Variants in MTPAP observed in about 807,000 individuals in gnomAD.
The protein encoded by MTPAP is mitochondrial poly(A) polymerase.
A neutral mutation model predicts 48.7 loss-of-function variants in MTPAP; 23 were observed. The ratio of observed to expected loss-of-function variants is 0.47; its 90% confidence interval spans 0.34 to 0.67. MTPAP has a LOEUF of 0.67. Among genes scored for constraint, MTPAP ranks in the 30% least tolerant of loss-of-function variants. The pLI is 0.01. For missense variants in MTPAP, 614 were observed against 694.3 expected, an observed-to-expected ratio of 0.88 and a Z score of 1.30; for synonymous variants, 257 against 254.1, an observed-to-expected ratio of 1.01 and a Z score of -0.11.
intron 4 of MTPAP, among the ~76,000 whole-genome samples, chr10:30,334,543 C>T (rs144295237): frequency 0.027 from 4,046 of 152,120 alleles, 80 homozygotes; most frequent in Non-Finnish European, 0.04. Flanking sequence ...TGCCTGAAGT[C>T]CCAGCTACAC....
intron 6 of MTPAP, among the ~76,000 whole-genome samples, chr10:30,320,406 T>C (rs1419515887): frequency 1.3e-5 from 2 of 152,084 alleles, no homozygotes; most frequent in African/African-American, 4.8e-5. Context: ...ATGCCTATAG[T>C]CCCAGCTATT....
rs906940269 is a variant in MTPAP, at chr10:30,313,760, G to T, written c.1598C>A (p.Pro533Gln). The change falls in exon 9 of 9, where the codon CCA becomes CAA. Residue 533 changes from proline (P) to glutamine (Q), a missense_variant. Pro to Gln is a moderately conservative substitution (Grantham distance 76). Transcript: ENST00000263063. ...AAAGGACTTTCTGTTTGGAGCAGAT[G>T]GTAGCAATAGGGATACCAGCCCCCA... ...RPWGLVSLLL[P>Q]SAPNRKSFTK... is the part of the protein sequence containing the mutation. The T allele has an allele frequency of 2.5e-6, 4 of 1,614,018 alleles. No homozygotes were observed. Among genetic ancestry groups the T allele is most frequent in the African/African-American group, 1.3e-5 (1 of 74,900 alleles).
intron 1 of MTPAP, 68 bp downstream of exon 1, chr10:30,349,051 G>T (rs1834903237): frequency 1.2e-6 from 2 of 1,609,816 alleles, no homozygotes; most frequent in African/African-American, 2.7e-5. Flanking sequence ...CAGGCCACGT[G>T]TTTCCCCGTG....
chr10:30,315,519 A>AC (rs1436118248), intron 8 of MTPAP, among the ~76,000 whole-genome samples: 2 of 151,190 alleles, frequency 1.3e-5, no homozygotes, highest in Non-Finnish European at 3.0e-5. Context: ...AAAAAACAAA[A>AC]CAAAACAAAA....
At chr10:30,320,255 C>T (rs906844791) in intron 6 of MTPAP, among the ~76,000 whole-genome samples, 24 of 152,268 alleles carry the variant, frequency 1.6e-4, no homozygotes, top group African/African-American at 5.8e-4. Flanking sequence ...AGGTAGAGCA[C>T]AGTGGCTCAC....
At chr10:30,324,277 A>G (rs972444582) in intron 5 of MTPAP, among the ~76,000 whole-genome samples, 2 of 152,188 alleles carry the variant, frequency 1.3e-5, no homozygotes, top group African/African-American at 4.8e-5. Flanking sequence ...CAGCATTTCA[A>G]AGCAGGAGGA....
intron 1 of MTPAP, among the ~76,000 whole-genome samples, chr10:30,348,326 C>T (rs1815094378): frequency 6.6e-6 from 1 of 152,184 alleles, no homozygotes; most frequent in Non-Finnish European, 1.5e-5. Context: ...GAAGTCAATA[C>T]ATTTTGTTTA....
chr10:30,318,745 A>T (rs183536662), intron 6 of MTPAP, among the ~76,000 whole-genome samples: 8 of 152,370 alleles, frequency 5.3e-5, no homozygotes, highest in Non-Finnish European at 7.3e-5. Context: ...TTAAAATGTT[A>T]TCCAATCATT....
chr10:30,326,028 A>T (rs1834591682), intron 5 of MTPAP, among the ~76,000 whole-genome samples: 1 of 152,102 alleles, frequency 6.6e-6, no homozygotes, highest in South Asian at 2.1e-4. Flanking sequence ...TTATTTTCTA[A>T]GTATTCTTAG....
rs765272329 is a variant in MTPAP, at chr10:30,313,595, C to T, written c.*14G>A. The T allele has an allele frequency of 6.2e-6, 10 of 1,614,024 alleles. No individual in the cohort carries two copies. Among genetic ancestry groups the T allele is most frequent in the Non-Finnish European group, 8.5e-6 (10 of 1,180,014 alleles). ...GATAGGCTAAGCCCAGTTCTTTACA[C>T]AATGTAGCAGCCATCATGTCTGAGT... On this transcript the variant is annotated 3_prime_UTR_variant, in exon 9 of 9. Transcript: ENST00000263063.
At chr10:30,325,283 C>T (rs576517963) in intron 5 of MTPAP, among the ~76,000 whole-genome samples, 1 of 152,192 alleles carries the variant, frequency 6.6e-6, no homozygotes, top group South Asian at 2.1e-4. Flanking sequence ...GAGAGAAAGT[C>T]GCAAGTACTT....
chr10:30,327,445 G>A (rs1834611007), intron 4 of MTPAP, among the ~76,000 whole-genome samples: 1 of 151,742 alleles, frequency 6.6e-6, no homozygotes. Context: ...GTTGCAGTGA[G>A]CCAAGATCAC....
chr10:30,322,726 G>T (rs1052593012), intron 5 of MTPAP, 109 bp from the exon 6 acceptor site: 14 of 775,270 alleles, frequency 1.8e-5, no homozygotes, highest in Non-Finnish European at 2.8e-5. Flanking sequence ...ATATCTGAAT[G>T]TATTCAGAAC....
rs750959123 is a variant in MTPAP at position 30,340,183 on chromosome 10, A to C, written c.555+43T>G. 5 of 1,463,642 alleles carry C rather than the reference A, an allele frequency of 3.4e-6. No homozygotes were observed. The South Asian group carries it at 4.6e-5, about 13-fold the overall frequency. The allele number at this position is 1,463,642 out of a possible 1,614,324, so 90.7% of individuals were successfully genotyped here. ...TACAGGAATCTTTATTGTTCATAAA[A>C]AAATACATAGTTCTAAAAGTTGAGG... On this transcript the variant is annotated intron_variant, in intron 3 of 8. Coordinates refer to ENST00000263063, the MANE Select transcript of MTPAP (RefSeq NM_018109.4).
Position 30,311,255 on chromosome 10 carries a change from A to G in MTPAP, c.*2354T>C, listed in dbSNP as rs544202683. 6.6e-6 allele frequency: 1 copy of G among 152,346 alleles called. No homozygotes were observed. Among genetic ancestry groups the G allele is most frequent in the East Asian group, 1.9e-4 (1 of 5,186 alleles). 9.4% of individuals were successfully genotyped at this position (152,346 alleles called of 1,614,324 possible). A position where few individuals can be genotyped will look rare whatever the true frequency, so the allele number is the denominator to read the frequency against. ...AAGACATCGCCTGTACAGAACACTG[A>G]TATTTGTTGGTGTCAAATGTGCAAT... On this transcript the variant is annotated 3_prime_UTR_variant, in exon 9 of 9. Transcript: ENST00000263063.
At chr10:30,327,207 G>A (rs766029329) in intron 4 of MTPAP, among the ~76,000 whole-genome samples, 7 of 151,946 alleles carry the variant, frequency 4.6e-5, no homozygotes, top group Non-Finnish European at 8.8e-5. Flanking sequence ...ACTAAAACTC[G>A]CCGGGTGCAG....
intron 3 of MTPAP, 150 bp from the exon 4 acceptor site, chr10:30,337,177 C>G: frequency 1.3e-6 from 1 of 757,902 alleles, no homozygotes; most frequent in Non-Finnish European, 2.2e-6. Flanking sequence ...GTAATCCCAA[C>G]ATTTTGGGAG....
chr10:30,339,955 A>G (rs1396046795), intron 3 of MTPAP: 2 of 477,408 alleles, frequency 4.2e-6, no homozygotes, highest in African/African-American at 3.9e-5. Context: ...ACCATATGCC[A>G]GTCATCAATA....
intron 4 of MTPAP, among the ~76,000 whole-genome samples, chr10:30,332,922 C>A (rs564726366): frequency 6.6e-6 from 1 of 151,962 alleles, no homozygotes; most frequent in Admixed American, 6.5e-5. Context: ...GAGATCGAGA[C>A]CATCCTGGCT....
Sources: gnomAD v4.1 joint callset for allele counts (sites outside exome capture counted in the v4.1 genomes callset) on GRCh38, gnomAD v4.1.1 for gene constraint, MANE v1.5 for transcripts, NCBI Gene and HGNC (gene_info 2026-07-23, HGNC 2026-07-21) for gene names.